The following GCDH variants were observed in gnomAD, a reference collection of about 807,000 sequenced individuals.
The protein encoded by GCDH is glutaryl-CoA dehydrogenase, mitochondrial.
Under a neutral mutation model 52.8 loss-of-function variants are expected in GCDH, and 31 were observed. The observed-to-expected ratio is 0.59, with a 90% CI of 0.44 to 0.79. The LOEUF (loss-of-function observed/expected upper bound fraction) is 0.79, where lower values mean the gene tolerates loss of function less well. GCDH is among the 30% of genes least tolerant of loss of function. The pLI is 0.00. For synonymous variants in GCDH, 242 were observed against 250.0 expected, an observed-to-expected ratio of 0.97 and a Z score of 0.30; for missense variants, 509 against 595.0, an observed-to-expected ratio of 0.86 and a Z score of 1.50.
intron 11 of GCDH, 171 bp from the exon 12 acceptor site, chr19:12,899,297 T>G: frequency 6.4e-7 from 1 of 1,552,598 alleles, no homozygotes; most frequent in Non-Finnish European, 8.9e-7. Context: ...CCTCACAGTC[T>G]TCTCCTGGAG....
rs1599618698 is a variant in GCDH, at chr19:12,897,718, G to A, written c.1098G>A (p.Met366Ile). ...CCACTCCCAGGGCTGCCCCCGAGAT[G>A]GTTTCTCTGCTGAAGAGGAATAACT... Reference protein sequence around the residue: ...LKDQDKAAPEMVSLLKRNNCG... With the variant: ...LKDQDKAAPEIVSLLKRNNCG... The change falls in exon 11 of 12, where the codon ATG becomes ATA. Residue 366 changes from methionine (M) to isoleucine (I), a missense_variant. Met to Ile is a conservative substitution (Grantham distance 10, BLOSUM62 1). Coordinates refer to ENST00000222214, the MANE Select transcript of GCDH (RefSeq NM_000159.4). The A allele has an allele frequency of 1.2e-6, 2 of 1,614,126 alleles. No individual in the cohort carries two copies. The highest frequency in any genetic ancestry group is 3.3e-5 in the Admixed American group (2 of 60,014).
At chr19:12,894,655 C>A in intron 6 of GCDH, 1 of 780,572 alleles carries the variant, frequency 1.3e-6, no homozygotes, top group South Asian at 1.8e-5. Flanking sequence ...CCAAAGCACC[C>A]AAGATTCAGC....
Position 12,897,296 on chromosome 19 carries a change from CATGTAGG to C in GCDH, c.957-3_960del, listed in dbSNP as rs2145953743. ...CCCTCGCTCTTACCCTGCCATTGCC[CATGTAGG>C]ATGCAGTTTGGTGTCCCACTGGCCA... is the stretch of plus-strand genomic sequence containing the variant. On this transcript the variant is annotated splice_acceptor_variant and splice_polypyrimidine_tract_variant and coding_sequence_variant and intron_variant, in exon 10 of 12. Transcript: ENST00000222214. LOFTEE classifies it high-confidence loss of function. 6.2e-7 allele frequency: 1 copy of C among 1,613,630 alleles called. No homozygotes were observed. The highest frequency in any genetic ancestry group is 8.5e-7 in the Non-Finnish European group (1 of 1,179,980).
At chr19:12,897,628 C>T (rs1208682961) in intron 10 of GCDH, 75 bp from the exon 11 acceptor site, 2 of 1,575,664 alleles carry the variant, frequency 1.3e-6, no homozygotes, top group South Asian at 1.1e-5. Context: ...GGAATCCCCA[C>T]CCCGGGCTAG....
intron 11 of GCDH, 50 bp from the exon 12 acceptor site, chr19:12,899,418 A>C (rs747562138): frequency 2.5e-6 from 4 of 1,613,898 alleles, no homozygotes; most frequent in Non-Finnish European, 3.4e-6. Flanking sequence ...TTTAAAGGGA[A>C]GTTGTGAGCT....
At chr19:12,894,159 C>T in intron 6 of GCDH, 15 of 1,563,416 alleles carry the variant, frequency 9.6e-6, no homozygotes, top group Non-Finnish European at 1.3e-5. Flanking sequence ...CCTTCCCAGC[C>T]ACTGGCTGCC....
chr19:12,895,354 A>G (rs898785269), intron 6 of GCDH, among the ~76,000 whole-genome samples: 1 of 151,546 alleles, frequency 6.6e-6, no homozygotes, highest in Non-Finnish European at 1.5e-5. Context: ...GCGGTTCCCC[A>G]GTTCAAGCAA....
chr19:12,897,234 G>A (rs1970703096), intron 9 of GCDH, 69 bp from the exon 10 acceptor site: 1 of 1,596,072 alleles, frequency 6.3e-7, no homozygotes, highest in Non-Finnish European at 8.6e-7. Flanking sequence ...TGGAGCAGGG[G>A]GCCCCAGGAC....
At chr19:12,897,671 C>T in intron 10 of GCDH, 32 bp from the exon 11 acceptor site, 2 of 1,613,104 alleles carry the variant, frequency 1.2e-6, no homozygotes, top group Non-Finnish European at 1.7e-6. Context: ...CCAGGATCCC[C>T]AGTCCTTGTT....
intron 11 of GCDH, chr19:12,898,427 C>T (rs147787917): frequency 1.9e-5 from 3 of 160,074 alleles, no homozygotes; most frequent in East Asian, 3.7e-4. Flanking sequence ...ATGAGGACCC[C>T]CCGGGCAGAG....
chr19:12,899,829 G>T lies in GCDH; in HGVS notation c.*288G>T, dbSNP rs9384. 561,998 of 1,572,914 alleles carry T rather than the reference G, an allele frequency of 0.36. 103,708 individuals carry two copies. Among genetic ancestry groups the T allele is most frequent in the Admixed American group, 0.43 (25,691 of 59,458 alleles). On this transcript the variant is annotated 3_prime_UTR_variant, in exon 12 of 12. Transcript: ENST00000222214. ...GCTTCTCTTGAGAGGAGAGTGACATGGAAGCAACTCCGTCTGCTGCAGCTG... is the reference window on the plus strand; with the variant it reads ...GCTTCTCTTGAGAGGAGAGTGACATTGAAGCAACTCCGTCTGCTGCAGCTG...
intron 6 of GCDH, among the ~76,000 whole-genome samples, chr19:12,895,786 T>TG (rs1970660180): frequency 6.7e-6 from 1 of 148,168 alleles, no homozygotes; most frequent in Admixed American, 6.7e-5. Flanking sequence ...TATTTTTTTT[T>TG]TTTTTTTTTT....
intron 5 of GCDH, chr19:12,892,534 C>T (rs373705181): frequency 1.7e-5 from 6 of 350,450 alleles, no homozygotes; most frequent in Admixed American, 4.5e-5. Context: ...TCAGGTGATC[C>T]GCCCACCTCA....
intron 10 of GCDH, 85 bp from the exon 11 acceptor site, chr19:12,897,618 G>T (rs1215708538): frequency 1.3e-6 from 2 of 1,549,402 alleles, no homozygotes; most frequent in African/African-American, 1.4e-5. Flanking sequence ...GCTGCATCAG[G>T]GAATCCCCAC....
chr19:12,898,327 G>T, intron 11 of GCDH: 1 of 169,374 alleles, frequency 5.9e-6, no homozygotes, highest in South Asian at 1.4e-4. Flanking sequence ...AGAACCCCTT[G>T]CTTGGTGGGA....
In GCDH at chr19:12,893,505, G is replaced by A. The variant is rs150674535; in HGVS notation, c.357G>A (p.Ser119=). 8 of 1,614,074 alleles carry A rather than the reference G, an allele frequency of 5.0e-6. No homozygotes were observed. Among genetic ancestry groups the A allele is most frequent in the Middle Eastern group, 3.3e-4 (2 of 6,062 alleles). The change falls in exon 6 of 12, where the codon TCG becomes TCA. Residue 119 remains serine, a synonymous_variant. Transcript: ENST00000222214. The part of the protein sequence containing the change: ...TIKGYGCAGV[S]SVAYGLLARE... ...CAGGATATGGCTGTGCTGGGGTTTCGTCTGTGGCCTATGGGCTCCTGGCCC... is the reference window on the plus strand; with the variant it reads ...CAGGATATGGCTGTGCTGGGGTTTCATCTGTGGCCTATGGGCTCCTGGCCC...
intron 6 of GCDH, 81 bp downstream of exon 6, chr19:12,893,734 C>A: frequency 7.9e-7 from 1 of 1,266,958 alleles, no homozygotes; most frequent in Non-Finnish European, 1.1e-6. Context: ...GTCCCCTGAG[C>A]CTATTCTGTC....
rs117984891 is a variant in GCDH, at chr19:12,899,161, A to G, written c.1244-307A>G. ...GGTGGGGAGCACGAAGCCTGGGCCT[A>G]TGGCAGGGGCTGGACTTGCTACATT... On this transcript the variant is annotated intron_variant, in intron 11 of 11. Coordinates refer to ENST00000222214, the MANE Select transcript of GCDH (RefSeq NM_000159.4). 5,587 of 617,382 alleles carry G rather than the reference A, an allele frequency of 9.0e-3. 35 individuals are homozygous for G. The highest frequency in any genetic ancestry group is 0.012 in the Non-Finnish European group (4,052 of 349,542). 38.2% of individuals were successfully genotyped at this position (617,382 alleles called of 1,614,324 possible).
In GCDH at chr19:12,896,343, C is replaced by G. The variant is rs1305712372; in HGVS notation, c.774C>G (p.Ala258=). 12 of 1,614,042 alleles carry G rather than the reference C, an allele frequency of 7.4e-6. No individual in the cohort carries two copies. Among genetic ancestry groups the G allele is most frequent in the Admixed American group, 1.7e-5 (1 of 60,000 alleles). ...PRIQGKFSLR[A]SATGMIIMDG... The stretch of plus-strand genomic sequence containing the variant: ...TCCAGGGCAAGTTCTCGCTGCGGGC[C>G]TCAGCCACAGGCATGATCATCATGG... The change falls in exon 8 of 12, where the codon GCC becomes GCG. Residue 258 remains alanine (A), a synonymous_variant. Transcript: ENST00000222214. This position sits in a 1 kb window ranked among gnomAD's most constrained non-coding sequence, Gnocchi z 5.5.
Sources: allele counts gnomAD v4.1 joint callset (sites outside exome capture counted in the v4.1 genomes callset), GRCh38; gene constraint gnomAD v4.1.1; non-coding constraint Gnocchi (gnomAD v3.1); transcripts MANE v1.5; gene names NCBI Gene and HGNC (gene_info 2026-07-23, HGNC 2026-07-21).